Variants in KIF15 observed in about 807,000 individuals in gnomAD.
The protein encoded by KIF15 is kinesin-like protein KIF15.
KIF15 carries 140 observed loss-of-function variants against 190.6 expected under a neutral mutation model. That is an observed-to-expected ratio of 0.73 (90% confidence interval 0.64 to 0.84). The LOEUF is 0.84. KIF15 is among the 40% of genes least tolerant of loss of function. The pLI is 0.00. For synonymous variants in KIF15, 528 were observed against 551.3 expected, an observed-to-expected ratio of 0.96 and a Z score of 0.59; for missense variants, 1,372 against 1,584.4, an observed-to-expected ratio of 0.87 and a Z score of 2.28.
At chr3:44,769,684 T>A (rs952359099) in intron 1 of KIF15, among the ~76,000 whole-genome samples, 1 of 152,174 alleles carries the variant, frequency 6.6e-6, no homozygotes. Flanking sequence ...GTTTTTTTTT[T>A]CTTAGGGCTT....
chr3:44,834,599 A>G (rs1698218502), intron 26 of KIF15, among the ~76,000 whole-genome samples: 1 of 152,170 alleles, frequency 6.6e-6, no homozygotes. Flanking sequence ...CCTAAGGGAT[A>G]TTGAAAGAAA....
intron 1 of KIF15, among the ~76,000 whole-genome samples, chr3:44,773,288 T>A (rs1286534681): frequency 6.6e-6 from 1 of 151,874 alleles, no homozygotes; most frequent in Non-Finnish European, 1.5e-5. Context: ...GGGAGAGAAA[T>A]CTTTAATTGC....
intron 25 of KIF15, among the ~76,000 whole-genome samples, chr3:44,830,592 C>T (rs1392351071): frequency 1.3e-5 from 2 of 152,116 alleles, no homozygotes; most frequent in African/African-American, 4.8e-5. Flanking sequence ...TCCTCTGGGT[C>T]GAGGCGAAGG....
In KIF15 at chr3:44,789,590, A is replaced by G. The variant is rs147656423; in HGVS notation, c.639+3016A>G. Among the ~76,000 whole-genome samples, 526 of 145,610 alleles carry G rather than the reference A, an allele frequency of 3.6e-3. 1 individual carries two copies. Among genetic ancestry groups the G allele is most frequent in the African/African-American group, 0.013 (491 of 39,276 alleles). On this transcript the variant is annotated intron_variant, in intron 7 of 34. Transcript: ENST00000326047. ...ATTGATACTTCAGAGAGATGCACTG[A>G]TTTCCCACTAAGGTGTTGGTTTTTC...
chr3:44,806,113 C>G, intron 16 of KIF15, 127 bp downstream of exon 16: 3 of 1,013,508 alleles, frequency 3.0e-6, no homozygotes, highest in Non-Finnish European at 4.3e-6. Flanking sequence ...ACACCGGTGT[C>G]ACACTGGTCT....
At chr3:44,832,825 G>A (rs1698133725) in intron 26 of KIF15, among the ~76,000 whole-genome samples, 1 of 151,980 alleles carries the variant, frequency 6.6e-6, no homozygotes, top group Non-Finnish European at 1.5e-5. Context: ...GACCAGCCTG[G>A]CCAACATGGT....
Position 44,810,828 on chromosome 3 carries a change from A to C in KIF15, c.1972-18A>C. The C allele has an allele frequency of 6.3e-7, 1 of 1,583,148 alleles. No homozygotes were observed. Among genetic ancestry groups the C allele is most frequent in the Non-Finnish European group, 8.6e-7 (1 of 1,164,062 alleles). On this transcript the variant is annotated intron_variant, in intron 16 of 34. Transcript: ENST00000326047. The stretch of plus-strand genomic sequence containing the variant: ...TTAAATATGTGCTAATGTTTTCCAT[A>C]ATCATTTTTTGCTGCAGATTATAAC...
chr3:44,792,610 G>A (rs894646778), intron 7 of KIF15, among the ~76,000 whole-genome samples: 2 of 149,954 alleles, frequency 1.3e-5, no homozygotes, highest in Non-Finnish European at 3.0e-5. Flanking sequence ...GGAATGGCCC[G>A]ATCTTGGCTC....
chr3:44,836,096 C>T (rs1000671497), intron 26 of KIF15, among the ~76,000 whole-genome samples: 1 of 152,118 alleles, frequency 6.6e-6, no homozygotes, highest in African/African-American at 2.4e-5. Context: ...CCTGTAATCC[C>T]AGCACTTTGG....
intron 27 of KIF15, 72 bp downstream of exon 27, chr3:44,838,493 C>T (rs947264892): frequency 6.7e-7 from 1 of 1,493,684 alleles, no homozygotes; most frequent in East Asian, 2.4e-5. Context: ...CCTGTAATCC[C>T]AGCACTTTGA....
chr3:44,787,013 T>C (rs1236546569), intron 7 of KIF15, among the ~76,000 whole-genome samples: 1 of 152,230 alleles, frequency 6.6e-6, no homozygotes, highest in Non-Finnish European at 1.5e-5. Context: ...ATTCTAGATA[T>C]GTTTTTATGA....
At chr3:44,767,003 G>C (rs1242460284) in intron 1 of KIF15, among the ~76,000 whole-genome samples, 8 of 151,822 alleles carry the variant, frequency 5.3e-5, no homozygotes, top group Admixed American at 6.6e-5. Context: ...GTAGAGACGG[G>C]GTTTCACCGT....
intron 20 of KIF15, among the ~76,000 whole-genome samples, chr3:44,823,106 C>T (rs562920126): frequency 6.6e-6 from 1 of 152,160 alleles, no homozygotes; most frequent in Non-Finnish European, 1.5e-5. Flanking sequence ...TTAGAATTTT[C>T]AGCTTTTCTC....
Position 44,801,468 on chromosome 3 carries a change from A to T in KIF15, c.1241A>T (p.Tyr414Phe), listed in dbSNP as rs1707276741. 1 of 1,570,946 alleles carries T rather than the reference A, an allele frequency of 6.4e-7. No homozygotes were observed. Among genetic ancestry groups the T allele is most frequent in the Non-Finnish European group, 8.8e-7 (1 of 1,142,294 alleles). ...FLTRDKKKTN[Y>F]MEYFQEAMLF... ...ATTACAGACAAAAAGAAGACTAACT[A>T]TATGGAGTATTTCCAGGAAGCAATG... The change falls in exon 12 of 35, where the codon TAT (tyrosine) becomes TTT (phenylalanine). Residue 414 changes from tyrosine to phenylalanine, a missense_variant. Transcript: ENST00000326047.
In KIF15 at chr3:44,848,523, TA is replaced by T. The variant is rs1425470517; in HGVS notation, c.3775del (p.Ile1259Ter). 3 of 1,143,080 alleles carry T rather than the reference TA, an allele frequency of 2.6e-6. No individual in the cohort carries two copies. Among genetic ancestry groups the T allele is most frequent in the South Asian group, 1.4e-5 (1 of 72,488 alleles). The allele number at this position is 1,143,080 out of a possible 1,614,324, so 70.8% of individuals were successfully genotyped here. A position where few individuals can be genotyped will look rare whatever the true frequency, so the allele number is the denominator to read the frequency against. On this transcript the variant is annotated frameshift_variant, in exon 32 of 35. Transcript: ENST00000326047. LOFTEE classifies it high-confidence loss of function. ...ESIKERLAKS[K>X]IVEEMLKMKA... Reference sequence around the variant, plus strand: ...TTCTTTTTTTAATCTTCTTATAGAGTAAAATAGTTGAAGAAATGCTGAAAAT... The same window carrying T: ...TTCTTTTTTTAATCTTCTTATAGAGTAAATAGTTGAAGAAATGCTGAAAAT...
intron 20 of KIF15, 25 bp downstream of exon 20, chr3:44,815,101 A>C (rs375131864): frequency 1.3e-6 from 2 of 1,525,984 alleles, no homozygotes; most frequent in African/African-American, 2.8e-5. Context: ...TTATGGTTTC[A>C]AGTTGCCTGA....
intron 1 of KIF15, among the ~76,000 whole-genome samples, chr3:44,766,391 C>T (rs1372241355): frequency 6.6e-6 from 1 of 152,124 alleles, no homozygotes; most frequent in Non-Finnish European, 1.5e-5. Flanking sequence ...GAACCACTGC[C>T]TAATGAGTTG....
At position 44,851,721 on chromosome 3, in the gene KIF15, A is replaced by C. The variant is rs557800222; in HGVS notation, c.3807-66A>C. The C allele has an allele frequency of 6.6e-6, 9 of 1,365,898 alleles. No individual in the cohort carries two copies. The South Asian group carries it at 9.6e-5, about 15-fold the overall frequency. The allele number at this position is 1,365,898 out of a possible 1,614,324, so 84.6% of individuals were successfully genotyped here. A position where few individuals can be genotyped will look rare whatever the true frequency, so the allele number is the denominator to read the frequency against. ...TTCTGGCCTTGCAGTACACATGTCT[A>C]ACTTGAGCACTGTTTTATGATTATG... On this transcript the variant is annotated intron_variant, in intron 32 of 34. Transcript: ENST00000326047.
intron 22 of KIF15, 63 bp downstream of exon 22, chr3:44,826,523 C>CT: frequency 4.3e-6 from 5 of 1,159,640 alleles, no homozygotes; most frequent in East Asian, 2.5e-5. Flanking sequence ...CATTCTTAAT[C>CT]TTGTTTTTTT....
Sources: gnomAD v4.1 joint callset for allele counts (sites outside exome capture counted in the v4.1 genomes callset) on GRCh38, gnomAD v4.1.1 for gene constraint, MANE v1.5 for transcripts, NCBI Gene and HGNC (gene_info 2026-07-23, HGNC 2026-07-21) for gene names.